IQCM: variants seen among roughly 807,000 people sequenced by gnomAD.
The protein encoded by IQCM is IQ domain-containing protein M.
IQCM carries 45 observed loss-of-function variants against 57.6 expected under a neutral mutation model. The observed-to-expected ratio is 0.78, with a 90% CI of 0.62 to 1.00. The LOEUF is 1.00. Among genes scored for constraint, IQCM ranks in the 50% least tolerant of loss-of-function variants. The pLI is 0.00. For synonymous variants in IQCM, 148 were observed against 158.9 expected (o/e 0.93, Z 0.51); for missense variants, 468 against 511.6 (o/e 0.91, Z 0.82).
At chr4:149,677,675 T>A (rs963018469) in intron 7 of IQCM, among the ~76,000 whole-genome samples, 1 of 151,914 alleles carries the variant, frequency 6.6e-6, no homozygotes, top group East Asian at 1.9e-4. Context: ...TCCCCAAGCA[T>A]ACAAAGCAAA....
chr4:149,542,200 T>A (rs1747916383), intron 12 of IQCM, among the ~76,000 whole-genome samples: 1 of 152,098 alleles, frequency 6.6e-6, no homozygotes, highest in African/African-American at 2.4e-5. Flanking sequence ...GGCCCCTTTC[T>A]GTAAAGGAAA....
intron 9 of IQCM, among the ~76,000 whole-genome samples, chr4:149,573,985 C>A (rs919555649): frequency 6.6e-6 from 1 of 151,736 alleles, no homozygotes; most frequent in Non-Finnish European, 1.5e-5. Flanking sequence ...ACTTGGGTAA[C>A]CGGCTTTAGG....
At chr4:149,401,598 T>C (rs1177780940) in intron 13 of IQCM, among the ~76,000 whole-genome samples, 1 of 151,824 alleles carries the variant, frequency 6.6e-6, no homozygotes, top group African/African-American at 2.4e-5. Context: ...CATGGAAATA[T>C]ATTTACCTTT....
intron 2 of IQCM, among the ~76,000 whole-genome samples, chr4:149,807,186 A>G (rs1006339355): frequency 1.3e-5 from 2 of 151,952 alleles, no homozygotes; most frequent in Non-Finnish European, 2.9e-5. Flanking sequence ...ATCATGAAAG[A>G]CCCCAAATAG....
intron 2 of IQCM, among the ~76,000 whole-genome samples, chr4:149,767,691 A>T (rs1439823236): frequency 6.6e-6 from 1 of 152,058 alleles, no homozygotes; most frequent in Non-Finnish European, 1.5e-5. Flanking sequence ...TAAAAGTTTC[A>T]GTATGGTAAC....
intron 5 of IQCM, among the ~76,000 whole-genome samples, chr4:149,702,464 T>G (rs148739022): frequency 1.4e-4 from 22 of 151,952 alleles, no homozygotes; most frequent in Middle Eastern, 3.4e-3. Flanking sequence ...AAAAAGAAGC[T>G]TTTCACACAG....
intron 13 of IQCM, among the ~76,000 whole-genome samples, chr4:149,380,901 G>T (rs770563763): frequency 2.6e-5 from 4 of 152,022 alleles, no homozygotes; most frequent in Non-Finnish European, 5.9e-5. Context: ...ACTATTTAAG[G>T]TTTAGTTGAG....
At chr4:149,720,291 C>T (rs987958277) in intron 5 of IQCM, among the ~76,000 whole-genome samples, 2 of 152,138 alleles carry the variant, frequency 1.3e-5, no homozygotes, top group African/African-American at 2.4e-5. Context: ...GTTTCAATTG[C>T]TTCTAAATCC....
At chr4:149,505,062 C>G (rs529616630) in intron 12 of IQCM, among the ~76,000 whole-genome samples, 2 of 152,202 alleles carry the variant, frequency 1.3e-5, no homozygotes, top group African/African-American at 2.4e-5. Context: ...CATAAGCCAC[C>G]CTGTCTATAG....
chr4:149,364,565 G>T (rs537331631), intron 13 of IQCM, among the ~76,000 whole-genome samples: 1 of 152,230 alleles, frequency 6.6e-6, no homozygotes, highest in East Asian at 1.9e-4. Flanking sequence ...GAGGAGGCCA[G>T]CAAGGAGACA....
intron 2 of IQCM, chr4:149,790,070 G>A (rs1484597242): frequency 1.7e-6 from 1 of 581,820 alleles, no homozygotes; most frequent in Non-Finnish European, 2.8e-6. Flanking sequence ...AGCTTCACCA[G>A]GAACTTCATC....
At chr4:149,679,608 T>C (rs1278544929) in intron 7 of IQCM, among the ~76,000 whole-genome samples, 2 of 151,526 alleles carry the variant, frequency 1.3e-5, no homozygotes, top group Non-Finnish European at 1.5e-5. Context: ...CATGAATGTA[T>C]TAAATAATCA....
chr4:149,812,478 T>TCACA (rs1472319523), intron 2 of IQCM, among the ~76,000 whole-genome samples: 50 of 141,626 alleles, frequency 3.5e-4, no homozygotes, highest in African/African-American at 1.3e-3. Context: ...TCTCTCTCTC[T>TCACA]CTCACACACA....
intron 13 of IQCM, among the ~76,000 whole-genome samples, chr4:149,374,998 T>TG (rs10699278): frequency 0.22 from 29,574 of 132,312 alleles, 3,417 homozygotes; most frequent in East Asian, 0.48. Context: ...TGTGTGTGTG[T>TG]TGTGTGTGTG....
At chr4:149,436,705 T>C (rs773044074) in intron 12 of IQCM, among the ~76,000 whole-genome samples, 26 of 152,134 alleles carry the variant, frequency 1.7e-4, no homozygotes, top group Non-Finnish European at 2.9e-5. Context: ...TTTTGCTGTT[T>C]ATGGACTGCT....
chr4:149,497,075 T>A, intron 12 of IQCM, among the ~76,000 whole-genome samples: 1 of 152,228 alleles, frequency 6.6e-6, no homozygotes. Context: ...AAAGCCTTCA[T>A]GGAATTTCGC....
intron 12 of IQCM, among the ~76,000 whole-genome samples, chr4:149,511,527 CTAAA>C (rs3056265): frequency 0.7 from 99,483 of 141,440 alleles, 35,348 homozygotes; most frequent in Non-Finnish European, 0.73. Context: ...GACCCTGTCT[CTAAA>C]TAAATAAATA....
intron 8 of IQCM, among the ~76,000 whole-genome samples, chr4:149,599,099 C>T (rs909228598): frequency 2.6e-5 from 4 of 151,950 alleles, no homozygotes; most frequent in Non-Finnish European, 4.4e-5. Flanking sequence ...ACCTATGCTT[C>T]GGGAGACATA....
chr4:149,458,850 A>G (rs1737974337), intron 12 of IQCM, among the ~76,000 whole-genome samples: 1 of 152,186 alleles, frequency 6.6e-6, no homozygotes, highest in Non-Finnish European at 1.5e-5. Flanking sequence ...TATCCTCTGT[A>G]AAATACTAGG....
Sources: gnomAD v4.1 joint callset for allele counts (sites outside exome capture counted in the v4.1 genomes callset) on GRCh38, gnomAD v4.1.1 for gene constraint, MANE v1.5 for transcripts, NCBI Gene and HGNC (gene_info 2026-07-23, HGNC 2026-07-21) for gene names.